The following SYCP1 variants were observed in gnomAD, a reference collection of about 807,000 sequenced individuals.
SYCP1 encodes the protein synaptonemal complex protein 1.
A neutral mutation model predicts 153.1 loss-of-function variants in SYCP1; 64 were observed. The ratio of observed to expected loss-of-function variants is 0.42; its 90% confidence interval spans 0.34 to 0.51. The LOEUF (loss-of-function observed/expected upper bound fraction) is 0.51. Among genes scored for constraint, SYCP1 ranks in the 20% least tolerant of loss-of-function variants. The pLI is 0.06. For synonymous variants in SYCP1, 384 were observed against 341.8 expected (o/e 1.12, Z -1.36); for missense variants, 997 against 1,049.0 (o/e 0.95, Z 0.68).
intron 8 of SYCP1, among the ~76,000 whole-genome samples, chr1:114,865,496 T>C (rs930705333): frequency 6.6e-6 from 1 of 152,186 alleles, no homozygotes. Flanking sequence ...CCAATATCAG[T>C]TCAATTTTCA....
chr1:114,947,266 C>A lies in SYCP1; in HGVS notation c.2268C>A (p.Leu756=). 1 of 1,612,524 alleles carries A rather than the reference C, an allele frequency of 6.2e-7. No homozygotes were observed. Among genetic ancestry groups the A allele is most frequent in the South Asian group, 1.1e-5 (1 of 90,838 alleles). Residue 756 remains leucine, a synonymous_variant, in exon 27 of 32, where the codon CTC becomes CTA. Transcript: ENST00000369522. ...RASLEIELSN[L]KAELLSVKKQ... The stretch of plus-strand genomic sequence containing the variant: ...TTTAGGAGATTGAACTATCCAATCT[C>A]AAAGCTGAACTTTTGTCTGTTAAGA...
chr1:114,965,105 A>G (rs1672034297), intron 27 of SYCP1, among the ~76,000 whole-genome samples: 1 of 151,972 alleles, frequency 6.6e-6, no homozygotes. Context: ...ATTCGTAGGT[A>G]TTTTATTCTC....
chr1:114,909,246 T>C (rs1355769614), intron 16 of SYCP1, among the ~76,000 whole-genome samples: 2 of 152,146 alleles, frequency 1.3e-5, no homozygotes, highest in East Asian at 3.9e-4. Flanking sequence ...TCCCTGGTTC[T>C]ACCAGGTTCC....
chr1:114,990,915 G>GT (rs1673870650), intron 30 of SYCP1, among the ~76,000 whole-genome samples: 1 of 151,864 alleles, frequency 6.6e-6, no homozygotes, highest in African/African-American at 2.4e-5. Flanking sequence ...TGAACACAGG[G>GT]AATTTCCCAC....
intron 23 of SYCP1, among the ~76,000 whole-genome samples, chr1:114,933,380 C>T (rs998783782): frequency 2.6e-5 from 4 of 151,838 alleles, no homozygotes; most frequent in African/African-American, 9.7e-5. Context: ...ACATCCACAC[C>T]AAAACCCTAT....
At chr1:114,940,193 G>A (rs1011593880) in intron 23 of SYCP1, among the ~76,000 whole-genome samples, 3 of 152,046 alleles carry the variant, frequency 2.0e-5, no homozygotes, top group Non-Finnish European at 4.4e-5. Flanking sequence ...TACCTCCTGG[G>A]TTCAAGCAAC....
intron 29 of SYCP1, among the ~76,000 whole-genome samples, chr1:114,981,716 T>C (rs1001535393): frequency 6.6e-6 from 1 of 152,032 alleles, no homozygotes; most frequent in African/African-American, 2.4e-5. Context: ...CCTTAACTCA[T>C]CCTCCTGTCT....
chr1:114,858,762 T>C (rs372475196), intron 6 of SYCP1, 51 bp downstream of exon 6: 2 of 1,455,034 alleles, frequency 1.4e-6, no homozygotes, highest in African/African-American at 2.8e-5. Flanking sequence ...CTAATCATAA[T>C]ACTGTTGAAA....
chr1:114,904,939 A>G (rs1667719778), intron 16 of SYCP1, among the ~76,000 whole-genome samples: 1 of 152,222 alleles, frequency 6.6e-6, no homozygotes. Context: ...GTCAATTTAT[A>G]TGATCATGTG....
In SYCP1 at chr1:114,876,068, GA is replaced by G; in HGVS notation, c.661del (p.Met221Ter). 1 of 1,546,446 alleles carries G rather than the reference GA, an allele frequency of 6.5e-7. No homozygotes were observed. Among genetic ancestry groups the G allele is most frequent in the Non-Finnish European group, 8.7e-7 (1 of 1,146,704 alleles). ...VYMDLNNNIE[K>X]MITAFEELRV... ...ATGATTCTTAAAACTTTATATTTCAGAAAATGATAACAGCTTTTGAGGAACT... is the reference window on the plus strand; with the variant it reads ...ATGATTCTTAAAACTTTATATTTCAGAAATGATAACAGCTTTTGAGGAACT... On this transcript the variant is annotated frameshift_variant and splice_region_variant, in exon 10 of 32. Coordinates refer to ENST00000369522, the MANE Select transcript of SYCP1 (RefSeq NM_003176.4). LOFTEE classifies it high-confidence loss of function.
intron 2 of SYCP1, among the ~76,000 whole-genome samples, chr1:114,856,112 C>T (rs946512357): frequency 1.3e-5 from 2 of 152,250 alleles, no homozygotes; most frequent in East Asian, 3.9e-4. Context: ...AAAAATTTAT[C>T]ATGTGGATCC....
chr1:114,954,416 T>C (rs1249842127), intron 27 of SYCP1, among the ~76,000 whole-genome samples: 1 of 151,954 alleles, frequency 6.6e-6, no homozygotes, highest in Admixed American at 6.6e-5. Flanking sequence ...ACAATGCTTA[T>C]TTTTATTCTT....
At chr1:114,991,757 C>G (rs1243885039) in intron 30 of SYCP1, among the ~76,000 whole-genome samples, 1 of 151,656 alleles carries the variant, frequency 6.6e-6, no homozygotes, top group African/African-American at 2.4e-5. Flanking sequence ...GGCAGGGTGC[C>G]CACTTTCACT....
At chr1:114,960,217 G>A (rs1180643679) in intron 27 of SYCP1, among the ~76,000 whole-genome samples, 1 of 146,074 alleles carries the variant, frequency 6.8e-6, no homozygotes, top group Non-Finnish European at 1.5e-5. Flanking sequence ...GCCCATGCTG[G>A]AGTGCAGTGG....
At chr1:114,873,039 T>G (rs1418402448) in intron 8 of SYCP1, among the ~76,000 whole-genome samples, 1 of 150,402 alleles carries the variant, frequency 6.6e-6, no homozygotes, top group African/African-American at 2.5e-5. Flanking sequence ...CTCTTTAAAT[T>G]GCTTATCTAT....
chr1:114,947,284 T>C lies in SYCP1; in HGVS notation c.2286T>C (p.Ser762=). The change falls in exon 27 of 32, where the codon TCT becomes TCC. Residue 762 remains serine, a synonymous_variant. Transcript: ENST00000369522. ...CCAATCTCAAAGCTGAACTTTTGTCTGTTAAGAAGCAACTTGAAATAGAAA... is the reference window on the plus strand; with the variant it reads ...CCAATCTCAAAGCTGAACTTTTGTCCGTTAAGAAGCAACTTGAAATAGAAA... ...ELSNLKAELL[S]VKKQLEIERE... The C allele has an allele frequency of 6.2e-7, 1 of 1,613,156 alleles. No individual in the cohort carries two copies. The highest frequency in any genetic ancestry group is 8.5e-7 in the Non-Finnish European group (1 of 1,179,614).
intron 12 of SYCP1, among the ~76,000 whole-genome samples, chr1:114,884,310 C>G (rs1293960994): frequency 6.6e-6 from 1 of 152,176 alleles, no homozygotes. Flanking sequence ...TCTGTGTTTT[C>G]CTTTGTATGT....
intron 11 of SYCP1, 145 bp downstream of exon 11, chr1:114,876,955 CT>C (rs1376014424): frequency 2.8e-6 from 1 of 353,050 alleles, no homozygotes; most frequent in Non-Finnish European, 5.0e-6. Context: ...AATATTTAGC[CT>C]TTAGACTCAC....
intron 21 of SYCP1, among the ~76,000 whole-genome samples, chr1:114,924,455 T>C (rs1669120784): frequency 6.6e-6 from 1 of 152,122 alleles, no homozygotes; most frequent in African/African-American, 2.4e-5. Context: ...AGGTTCTCTA[T>C]CTGGATACTA....
Sources: allele counts gnomAD v4.1 joint callset (sites outside exome capture counted in the v4.1 genomes callset), GRCh38; gene constraint gnomAD v4.1.1; transcripts MANE v1.5; gene names NCBI Gene and HGNC (gene_info 2026-07-23, HGNC 2026-07-21).